THSD7A: variants seen among roughly 807,000 people sequenced by gnomAD.
THSD7A encodes the protein thrombospondin type-1 domain-containing protein 7A.
A neutral mutation model predicts 231.3 loss-of-function variants in THSD7A; 96 were observed. That is an observed-to-expected ratio of 0.41 (90% CI 0.35 to 0.49). THSD7A has a LOEUF of 0.49. THSD7A is among the 20% of genes least tolerant of loss of function. THSD7A has a pLI of 0.05. For synonymous variants in THSD7A, 940 were observed against 743.3 expected, an observed-to-expected ratio of 1.26 and a Z score of -4.30; for missense variants, 2,290 against 2,070.2, an observed-to-expected ratio of 1.11 and a Z score of -2.06.
chr7:11,821,975 G>A lies in THSD7A; in HGVS notation c.190+9782C>T, dbSNP rs182152579. 2.2e-4 allele frequency among the ~76,000 whole-genome samples: 34 copies of A among 152,252 alleles called. No individual in the cohort carries two copies. In the East Asian group the frequency reaches 5.2e-3, roughly 23 times the overall value. ...TTTGGCTAGGTCCAATTATGCATCA[G>A]AAACAATAGATAGGTTACTTTTTGG... On this transcript the variant is annotated intron_variant, in intron 1 of 27. Transcript: ENST00000423059.
rs112057081 is a variant in THSD7A at position 11,712,237 on chromosome 7, C to T, written c.191-75276G>A. Among the ~76,000 whole-genome samples the T allele has an allele frequency of 7.2e-3, 1,094 of 151,140 alleles. 12 individuals carry two copies. The highest frequency in any genetic ancestry group is 0.024 in the African/African-American group (989 of 41,394). ...TTACAGGTCCACTGACTATACCCTA[C>T]TTTTCTGGGTGATGGGCTGATCCTG... On this transcript the variant is annotated intron_variant, in intron 1 of 27. Coordinates refer to ENST00000423059, the MANE Select transcript of THSD7A (RefSeq NM_015204.3).
chr7:11,605,334 T>A (rs1278498779), intron 2 of THSD7A, among the ~76,000 whole-genome samples: 1 of 152,102 alleles, frequency 6.6e-6, no homozygotes, highest in East Asian at 1.9e-4. Flanking sequence ...CCAGGGAAAG[T>A]CATGAAAATG....
chr7:11,475,065 G>A (rs1302664711), intron 7 of THSD7A, among the ~76,000 whole-genome samples: 1 of 152,120 alleles, frequency 6.6e-6, no homozygotes, highest in Admixed American at 6.5e-5. Flanking sequence ...AGGCAGGTGT[G>A]ACCTTGGCAA....
chr7:11,652,592 TC>T (rs1782545134), intron 1 of THSD7A, among the ~76,000 whole-genome samples: 1 of 152,030 alleles, frequency 6.6e-6, no homozygotes, highest in Admixed American at 6.6e-5. Flanking sequence ...TAAATATACT[TC>T]TACATATTTA....
At chr7:11,441,908 C>T (rs1211633003) in intron 13 of THSD7A, among the ~76,000 whole-genome samples, 2 of 151,854 alleles carry the variant, frequency 1.3e-5, no homozygotes, top group Non-Finnish European at 2.9e-5. Flanking sequence ...GTGCAGCAAA[C>T]CACCATGGCG....
In THSD7A at chr7:11,630,719, C is replaced by T. The variant is rs371219914; in HGVS notation, c.1022+5411G>A. ...CATTAATTGCCCTTGTCAGACAATT[C>T]GACAAAACGAGATAGGTTCAAATGG... On this transcript the variant is annotated intron_variant, in intron 2 of 27. Coordinates refer to ENST00000423059, the MANE Select transcript of THSD7A (RefSeq NM_015204.3). 2.3e-3 allele frequency among the ~76,000 whole-genome samples: 353 copies of T among 152,240 alleles called. 2 individuals are homozygous for T. Among genetic ancestry groups the T allele is most frequent in the Admixed American group, 2.9e-3 (44 of 15,286 alleles).
rs373049226 is a variant in THSD7A, at chr7:11,806,224, TC to T, written c.190+25532del. Among the ~76,000 whole-genome samples the T allele has an allele frequency of 1.2e-4, 18 of 152,304 alleles. No homozygotes were observed. In the East Asian group the frequency reaches 2.1e-3, roughly 18 times the overall value. On this transcript the variant is annotated intron_variant, in intron 1 of 27. Transcript: ENST00000423059. ...TGCAGGTCAGGAACTGCAGCTCCAC[TC>T]CATGTTTTTAAAACATTGATTTTTC...
At chr7:11,799,455 A>G (rs1336643818) in intron 1 of THSD7A, among the ~76,000 whole-genome samples, 4 of 152,224 alleles carry the variant, frequency 2.6e-5, no homozygotes, top group African/African-American at 9.6e-5. Flanking sequence ...TCAAAACCAC[A>G]TTAGTAAAAT....
chr7:11,820,611 G>T, intron 1 of THSD7A: 1 of 732,862 alleles, frequency 1.4e-6, no homozygotes, highest in South Asian at 1.5e-5. Context: ...TCTTCCTCTG[G>T]CTTGAAATTG....
At chr7:11,506,870 T>G (rs550949465) in intron 6 of THSD7A, among the ~76,000 whole-genome samples, 1 of 137,782 alleles carries the variant, frequency 7.3e-6, no homozygotes, top group South Asian at 2.6e-4. Flanking sequence ...TCCATCACCG[T>G]ACCCCTTTGT....
At chr7:11,675,735 G>A (rs987377932) in intron 1 of THSD7A, among the ~76,000 whole-genome samples, 2 of 152,206 alleles carry the variant, frequency 1.3e-5, no homozygotes, top group Non-Finnish European at 2.9e-5. Context: ...TCTGGGCAGG[G>A]CATCTCTGAA....
intron 13 of THSD7A, among the ~76,000 whole-genome samples, chr7:11,435,697 G>T (rs952621254): frequency 6.6e-6 from 1 of 152,042 alleles, no homozygotes; most frequent in African/African-American, 2.4e-5. Context: ...AGCTGGTTCT[G>T]ATTTGTATCC....
chr7:11,475,388 C>G (rs901927197), intron 7 of THSD7A, among the ~76,000 whole-genome samples: 1 of 151,832 alleles, frequency 6.6e-6, no homozygotes, highest in Non-Finnish European at 1.5e-5. Context: ...AGCCCCACCT[C>G]CCGGTTTTTC....
Position 11,543,280 on chromosome 7 carries a change from G to A in THSD7A, c.1454-163C>T, listed in dbSNP as rs551839729. Among the ~76,000 whole-genome samples the A allele has an allele frequency of 9.2e-5, 14 of 152,248 alleles. No homozygotes were observed. The East Asian group carries it at 2.3e-3, about 25-fold the overall frequency. ...CACATCCTGAGAATAAAAAGAGAAC[G>A]AATGGAAATAAAAGAGGCAATAAAG... On this transcript the variant is annotated intron_variant, in intron 4 of 27. Transcript: ENST00000423059.
chr7:11,805,340 AC>A (rs1784372569), intron 1 of THSD7A, among the ~76,000 whole-genome samples: 1 of 152,140 alleles, frequency 6.6e-6, no homozygotes, highest in Non-Finnish European at 1.5e-5. Flanking sequence ...ATTATTGTTT[AC>A]CCAATAAAAG....
intron 1 of THSD7A, among the ~76,000 whole-genome samples, chr7:11,676,379 C>G (rs1026111781): frequency 6.6e-6 from 1 of 152,148 alleles, no homozygotes; most frequent in Non-Finnish European, 1.5e-5. Context: ...ATCACAATTC[C>G]TCACCAGCAA....
chr7:11,380,158 A>AAAT (rs1392239241), intron 24 of THSD7A, among the ~76,000 whole-genome samples: 1 of 152,176 alleles, frequency 6.6e-6, no homozygotes, highest in African/African-American at 2.4e-5. Flanking sequence ...TGTTTTCTTT[A>AAAT]AATAATGCAT....
chr7:11,502,873 A>C (rs888029839), intron 6 of THSD7A, among the ~76,000 whole-genome samples: 2 of 152,218 alleles, frequency 1.3e-5, no homozygotes, highest in Non-Finnish European at 2.9e-5. Context: ...AAATGGCTAT[A>C]CTGCCCAAAG....
intron 1 of THSD7A, among the ~76,000 whole-genome samples, chr7:11,735,241 T>G (rs1374104238): frequency 6.6e-6 from 1 of 151,874 alleles, no homozygotes; most frequent in East Asian, 1.9e-4. Context: ...ATTTTTGGTG[T>G]TCTATGGTGT....
Sources: allele counts gnomAD v4.1 joint callset (sites outside exome capture counted in the v4.1 genomes callset), GRCh38; gene constraint gnomAD v4.1.1; transcripts MANE v1.5; gene names NCBI Gene and HGNC (gene_info 2026-07-23, HGNC 2026-07-21).